Variants in RHOBTB2 observed in about 807,000 individuals in gnomAD.
RHOBTB2 encodes Rho related BTB domain containing 2.
A neutral mutation model predicts 66.5 loss-of-function variants in RHOBTB2; 39 were observed. That is an observed-to-expected ratio of 0.59 (90% CI 0.45 to 0.77). The LOEUF (loss-of-function observed/expected upper bound fraction) is 0.77, where lower values mean the gene tolerates loss of function less well. RHOBTB2 is among the 30% of genes least tolerant of loss of function. The pLI, the probability that RHOBTB2 is intolerant of heterozygous loss-of-function variation, is 0.00. For synonymous variants in RHOBTB2, 390 were observed against 395.0 expected (o/e 0.99, Z 0.15); for missense variants, 755 against 999.1 (o/e 0.76, Z 3.29).
chr8:23,007,064 G>C lies in RHOBTB2; in HGVS notation c.819G>C (p.Gln273His). The change falls in exon 5 of 10, where the codon CAG becomes CAC. Residue 273 changes from glutamine (Q) to histidine (H), a missense_variant. By Grantham distance (24) the Gln-to-His change is conservative. Around this residue, in one of 7 missense-constraint regions of RHOBTB2, gnomAD observed 247 missense variants for 238.9 expected, o/e 1.03. Coordinates refer to ENST00000251822, the MANE Select transcript of RHOBTB2 (RefSeq NM_015178.3). ...GCGCGGACGTCATCCTGGTGCTGCA[G>C]GAGCGGGTGCGCATCTTTGCCCACA... ...PLCADVILVLQERVRIFAHKI... is the reference protein window; with the variant it reads ...PLCADVILVLHERVRIFAHKI... 1 of 1,610,662 alleles carries C rather than the reference G, an allele frequency of 6.2e-7. No individual in the cohort carries two copies. Among genetic ancestry groups the C allele is most frequent in the Non-Finnish European group, 8.5e-7 (1 of 1,179,430 alleles).
upstream of RHOBTB2, chr8:22,994,718 ATTGT>A: frequency 8.5e-7 from 1 of 1,181,258 alleles, no homozygotes; most frequent in Non-Finnish European, 1.2e-6. Flanking sequence ...CAACTCCCAA[ATTGT>A]TTGTTGAAGC....
upstream of RHOBTB2, chr8:22,995,852 T>A: frequency 6.4e-7 from 1 of 1,551,574 alleles, no homozygotes; most frequent in Non-Finnish European, 8.7e-7. Flanking sequence ...GAGGCTGTAG[T>A]GTTCCAGGAG....
At chr8:22,998,724 C>CAAAAAA (rs555614764), upstream of RHOBTB2, among the ~76,000 whole-genome samples, 2 of 81,306 alleles carry the variant, frequency 2.5e-5, no homozygotes, top group African/African-American at 4.4e-5. Flanking sequence ...GAGGGAGACT[C>CAAAAAA]AAAAAAAAAA....
chr8:22,962,237 CAA>C, the RHOBTB2 span, among the ~76,000 whole-genome samples: 5 of 47,928 alleles, frequency 1.0e-4, no homozygotes, highest in African/African-American at 4.0e-4. Flanking sequence ...AAGTAACCCA[CAA>C]AGAGATAAAT....
the RHOBTB2 span, among the ~76,000 whole-genome samples, chr8:22,953,175 C>T: frequency 2.6e-5 from 4 of 152,120 alleles, no homozygotes; most frequent in East Asian, 7.7e-4. Context: ...GGCACTTTTC[C>T]CTTACCAATT....
the RHOBTB2 span, among the ~76,000 whole-genome samples, chr8:22,952,553 G>A: frequency 6.6e-6 from 1 of 152,164 alleles, no homozygotes; most frequent in Non-Finnish European, 1.5e-5. Context: ...TTACCTGAAG[G>A]ATATAAGGCA....
the RHOBTB2 span, among the ~76,000 whole-genome samples, chr8:22,954,795 T>C: frequency 1.9e-4 from 29 of 152,166 alleles, no homozygotes; most frequent in African/African-American, 2.7e-4. Flanking sequence ...AAGGAAACCA[T>C]AGATTTGACT....
At chr8:22,963,580 C>T in the RHOBTB2 span, among the ~76,000 whole-genome samples, 1 of 151,892 alleles carries the variant, frequency 6.6e-6, no homozygotes, top group Admixed American at 6.6e-5. Flanking sequence ...ATTCTCACGC[C>T]GCTGATAAAG....
intron 1 of RHOBTB2, among the ~76,000 whole-genome samples, chr8:23,001,700 G>A (rs1473405672): frequency 6.6e-6 from 1 of 152,200 alleles, no homozygotes; most frequent in Non-Finnish European, 1.5e-5. Context: ...CCCAGAGGGG[G>A]AGACTGATGC....
chr8:22,981,230 T>C, the RHOBTB2 span, among the ~76,000 whole-genome samples: 3 of 152,264 alleles, frequency 2.0e-5, no homozygotes, highest in African/African-American at 7.2e-5. Flanking sequence ...CCAGAACTCA[T>C]TCAAGAAATG....
the RHOBTB2 span, among the ~76,000 whole-genome samples, chr8:22,963,562 T>C: frequency 6.6e-6 from 1 of 151,948 alleles, no homozygotes; most frequent in Admixed American, 6.6e-5. Context: ...TACCAACTGT[T>C]TTAGTCCATT....
chr8:22,960,366 T>C, the RHOBTB2 span, among the ~76,000 whole-genome samples: 1 of 146,258 alleles, frequency 6.8e-6, no homozygotes, highest in Admixed American at 6.8e-5. Flanking sequence ...TTGCCCAGGC[T>C]GGAGTGCAGT....
chr8:22,999,323 T>C (rs1209868648), upstream of RHOBTB2, among the ~76,000 whole-genome samples: 1 of 152,030 alleles, frequency 6.6e-6, no homozygotes, highest in Non-Finnish European at 1.5e-5. Flanking sequence ...CCCGTGGGCG[T>C]CCGGAGAGCC....
In RHOBTB2 at chr8:23,007,445, G is replaced by A; in HGVS notation, c.1200G>A (p.Met400Ile). The change falls in exon 5 of 10, where the codon ATG becomes ATA. Residue 400 changes from methionine to isoleucine, a missense_variant. Transcript: ENST00000251822. ...CTTTTGTGAGCATCCAGGAAGAGAT[G>A]GCAGAAGATCCTCTCACCTACAAAT... ...SRAFVSIQEE[M>I]AEDPLTYKSR... 6.2e-7 allele frequency: 1 copy of A among 1,614,188 alleles called. No individual in the cohort carries two copies. Among genetic ancestry groups the A allele is most frequent in the Non-Finnish European group, 8.5e-7 (1 of 1,180,036 alleles).
chr8:22,991,687 C>A (rs886421098), intron 1 of RHOBTB2, among the ~76,000 whole-genome samples: 5 of 152,100 alleles, frequency 3.3e-5, no homozygotes, highest in Non-Finnish European at 5.9e-5. Flanking sequence ...CTTGCATTGT[C>A]ATTTGGGGGT....
chr8:23,011,798 A>T (rs544500544), intron 7 of RHOBTB2, among the ~76,000 whole-genome samples: 3 of 152,354 alleles, frequency 2.0e-5, no homozygotes, highest in Admixed American at 2.0e-4. Context: ...GGTCGGGGAC[A>T]GAGAGCACAT....
rs982462020 is a variant in RHOBTB2 at position 22,999,926 on chromosome 8, C to T, written c.-190C>T. ...CCACGTCCGGCCTGGGCTGCCCTGCCGGAGTTTCTGAGTGGCCGCGAGCTG... is the reference window on the plus strand; with the variant it reads ...CCACGTCCGGCCTGGGCTGCCCTGCTGGAGTTTCTGAGTGGCCGCGAGCTG... On this transcript the variant is annotated 5_prime_UTR_variant, in exon 1 of 10. Coordinates refer to ENST00000251822, the MANE Select transcript of RHOBTB2 (RefSeq NM_015178.3). 5.1e-6 allele frequency: 5 copies of T among 985,278 alleles called. No individual in the cohort carries two copies. The highest frequency in any genetic ancestry group is 1.7e-5 in the African/African-American group (1 of 57,224). 61.0% of individuals were successfully genotyped at this position (985,278 alleles called of 1,614,324 possible).
chr8:22,980,284 T>A, the RHOBTB2 span, among the ~76,000 whole-genome samples: 1 of 152,194 alleles, frequency 6.6e-6, no homozygotes, highest in Non-Finnish European at 1.5e-5. Context: ...TTTACACTCC[T>A]ACTAAGCAGA....
At position 23,012,472 on chromosome 8, in the gene RHOBTB2, C is replaced by T. The variant is rs115578955; in HGVS notation, c.1771+1784C>T. The stretch of plus-strand genomic sequence containing the variant: ...CTTGTTAAGGATCAGGGGAAGATGC[C>T]AAGTTTTATATAATTGGCGATGGTT... On this transcript the variant is annotated intron_variant, in intron 7 of 9. Transcript: ENST00000251822. 5.5e-3 allele frequency among the ~76,000 whole-genome samples: 841 copies of T among 152,262 alleles called. 9 individuals are homozygous for T. Among genetic ancestry groups the T allele is most frequent in the African/African-American group, 0.019 (789 of 41,544 alleles).
Sources: gnomAD v4.1 joint callset for allele counts (sites outside exome capture counted in the v4.1 genomes callset) on GRCh38, gnomAD v4.1.1 for gene constraint, gnomAD v4.1.1 regional missense constraint, MANE v1.5 for transcripts, NCBI Gene and HGNC (gene_info 2026-07-23, HGNC 2026-07-21) for gene names.